The following NDUFAF2 variants were observed in gnomAD, a reference collection of about 807,000 sequenced individuals.
NDUFAF2 encodes NADH:ubiquinone oxidoreductase complex assembly factor 2.
NDUFAF2 carries 13 observed loss-of-function variants against 22.8 expected under a neutral mutation model. That is an observed-to-expected ratio of 0.57 (90% confidence interval 0.37 to 0.91). NDUFAF2 has a LOEUF of 0.91. NDUFAF2 is among the 40% of genes least tolerant of loss of function. NDUFAF2 has a pLI of 0.01. For missense variants in NDUFAF2, 162 were observed against 195.2 expected (o/e 0.83, Z 1.01); for synonymous variants, 53 against 64.2 (o/e 0.83, Z 0.84).
chr5:60,972,753 T>C (rs1269056879), intron 1 of NDUFAF2, among the ~76,000 whole-genome samples: 2 of 145,198 alleles, frequency 1.4e-5, no homozygotes, highest in African/African-American at 2.4e-5. Flanking sequence ...CACATTCTCA[T>C]TTACTGATAT....
Position 60,978,518 on chromosome 5 carries a change from T to C in NDUFAF2, c.127+33136T>C, listed in dbSNP as rs1750933486. Among the ~76,000 whole-genome samples the C allele has an allele frequency of 3.9e-5, 6 of 152,140 alleles. No individual in the cohort carries two copies. The South Asian group carries it at 1.2e-3, about 32-fold the overall frequency. On this transcript the variant is annotated intron_variant, in intron 1 of 3. Transcript: ENST00000296597. ...CATGTCCAGAGCAGGAGCAAGCAGT[T>C]GGGGGAGGTGCCATACACTTGTAAA...
intron 1 of NDUFAF2, among the ~76,000 whole-genome samples, chr5:60,989,031 G>A (rs1471862318): frequency 6.6e-6 from 1 of 152,160 alleles, no homozygotes; most frequent in Non-Finnish European, 1.5e-5. Flanking sequence ...CTGTGCTTCT[G>A]ACAAAGGTCT....
chr5:61,134,421 C>T (rs1329989449), intron 3 of NDUFAF2, among the ~76,000 whole-genome samples: 2 of 152,192 alleles, frequency 1.3e-5, no homozygotes, highest in Admixed American at 6.5e-5. Context: ...CGCGGTGGCT[C>T]ACGCCTGTAA....
chr5:61,136,515 C>T (rs1017138390), intron 3 of NDUFAF2, among the ~76,000 whole-genome samples: 1 of 152,094 alleles, frequency 6.6e-6, no homozygotes, highest in Non-Finnish European at 1.5e-5. Context: ...AATTCTAACC[C>T]CACCTGCATT....
chr5:61,016,113 G>A (rs1463012083), intron 1 of NDUFAF2, among the ~76,000 whole-genome samples: 1 of 152,124 alleles, frequency 6.6e-6, no homozygotes, highest in African/African-American at 2.4e-5. Flanking sequence ...TTGAACCCAG[G>A]AGGCAGAGGT....
intron 1 of NDUFAF2, among the ~76,000 whole-genome samples, chr5:61,011,817 C>T (rs1429751450): frequency 1.3e-5 from 2 of 152,086 alleles, no homozygotes; most frequent in Non-Finnish European, 2.9e-5. Context: ...TGCCTAGCAT[C>T]TCGTTATACC....
At chr5:60,975,324 A>C (rs1478477822) in intron 1 of NDUFAF2, among the ~76,000 whole-genome samples, 1 of 152,078 alleles carries the variant, frequency 6.6e-6, no homozygotes, top group East Asian at 1.9e-4. Flanking sequence ...AATGATTCTA[A>C]GGATTTTTAC....
chr5:60,993,996 A>G (rs1358589260), intron 1 of NDUFAF2, among the ~76,000 whole-genome samples: 1 of 152,202 alleles, frequency 6.6e-6, no homozygotes, highest in African/African-American at 2.4e-5. Context: ...CCTTCTGCCC[A>G]GGCTATTCAT....
At chr5:61,008,341 A>G (rs1166983903) in intron 1 of NDUFAF2, among the ~76,000 whole-genome samples, 1 of 152,146 alleles carries the variant, frequency 6.6e-6, no homozygotes, top group Non-Finnish European at 1.5e-5. Context: ...TCAAACCTTG[A>G]TAATTGATGT....
At chr5:61,044,043 C>T (rs1253450102) in intron 1 of NDUFAF2, among the ~76,000 whole-genome samples, 1 of 152,078 alleles carries the variant, frequency 6.6e-6, no homozygotes, top group South Asian at 2.1e-4. Context: ...TGATACTAGT[C>T]GTTCTAACAG....
chr5:61,055,211 A>G (rs1195212076), intron 1 of NDUFAF2, among the ~76,000 whole-genome samples: 1 of 152,208 alleles, frequency 6.6e-6, no homozygotes, highest in African/African-American at 2.4e-5. Context: ...AAGTTTCCCA[A>G]CTTACAAATC....
At chr5:61,010,526 C>T (rs780194434) in intron 1 of NDUFAF2, among the ~76,000 whole-genome samples, 1 of 152,060 alleles carries the variant, frequency 6.6e-6, no homozygotes, top group Non-Finnish European at 1.5e-5. Flanking sequence ...CATTTAAATA[C>T]ATCTTCCCTG....
intron 3 of NDUFAF2, among the ~76,000 whole-genome samples, chr5:61,126,933 A>AG (rs1344301870): frequency 6.6e-6 from 1 of 152,184 alleles, no homozygotes; most frequent in African/African-American, 2.4e-5. Flanking sequence ...AATAAACACA[A>AG]TAAAAAATAA....
At chr5:61,027,178 A>G (rs1751660991) in intron 1 of NDUFAF2, among the ~76,000 whole-genome samples, 1 of 151,826 alleles carries the variant, frequency 6.6e-6, no homozygotes, top group African/African-American at 2.4e-5. Context: ...ACATAGTGTA[A>G]CTGATTACAG....
intron 3 of NDUFAF2, among the ~76,000 whole-genome samples, chr5:61,125,861 A>G (rs1388658691): frequency 2.6e-5 from 4 of 152,094 alleles, no homozygotes; most frequent in African/African-American, 9.7e-5. Context: ...CCTGGCTACC[A>G]TAGTAATAAA....
chr5:60,999,592 T>C (rs539952264), intron 1 of NDUFAF2, among the ~76,000 whole-genome samples: 7 of 152,156 alleles, frequency 4.6e-5, no homozygotes, highest in South Asian at 2.1e-4. Context: ...TTAATAGTTA[T>C]AGGTTTTTCT....
intron 2 of NDUFAF2, among the ~76,000 whole-genome samples, chr5:61,095,476 G>A (rs926751411): frequency 6.6e-6 from 1 of 152,216 alleles, no homozygotes; most frequent in African/African-American, 2.4e-5. Flanking sequence ...TGGAAGTGGG[G>A]CCTGCGGACC....
chr5:61,130,056 C>T (rs536962693), intron 3 of NDUFAF2, among the ~76,000 whole-genome samples: 52 of 152,046 alleles, frequency 3.4e-4, no homozygotes, highest in Non-Finnish European at 7.4e-4. Flanking sequence ...CTGAATACCA[C>T]GAAGCTTTTT....
chr5:61,073,825 C>T (rs1752332721), intron 2 of NDUFAF2, among the ~76,000 whole-genome samples: 1 of 152,134 alleles, frequency 6.6e-6, no homozygotes, highest in Non-Finnish European at 1.5e-5. Flanking sequence ...AACTTAGTAG[C>T]TTGTAAGTGG....
Sources: gnomAD v4.1 joint callset for allele counts (sites outside exome capture counted in the v4.1 genomes callset) on GRCh38, gnomAD v4.1.1 for gene constraint, MANE v1.5 for transcripts, NCBI Gene and HGNC (gene_info 2026-07-23, HGNC 2026-07-21) for gene names.